Variants in TMEM229B observed in about 807,000 individuals in gnomAD.
TMEM229B encodes chromosome 14 open reading frame 83.
TMEM229B carries 6 observed loss-of-function variants against 13.7 expected under a neutral mutation model. That is an observed-to-expected ratio of 0.44 (90% CI 0.24 to 0.86). TMEM229B has a LOEUF of 0.86. Ranked by LOEUF, TMEM229B falls within the 40% of genes least tolerant of loss-of-function variation. The probability of loss-of-function intolerance (pLI) is 0.23; values close to 1 mark genes in which losing one functional copy is unlikely to be tolerated. For missense variants in TMEM229B, 170 were observed against 236.0 expected (o/e 0.72, Z 1.83); for synonymous variants, 107 against 102.1 (o/e 1.05, Z -0.29).
chr14:67,532,734 T>A (rs2033506108), intron 1 of TMEM229B, among the ~76,000 whole-genome samples: 1 of 152,208 alleles, frequency 6.6e-6, no homozygotes, highest in African/African-American at 2.4e-5. Flanking sequence ...TTTTTCTTTT[T>A]CTCCTGCAAA....
At chr14:67,522,993 TA>T (rs2033312818) in intron 1 of TMEM229B, among the ~76,000 whole-genome samples, 1 of 152,226 alleles carries the variant, frequency 6.6e-6, no homozygotes, top group Non-Finnish European at 1.5e-5. Flanking sequence ...TTCTCTTGCC[TA>T]GTACTGTGCT....
chr14:67,489,774 A>G (rs1279258568), upstream of TMEM229B, among the ~76,000 whole-genome samples: 1 of 152,176 alleles, frequency 6.6e-6, no homozygotes, highest in Admixed American at 6.5e-5. Context: ...GCGGATCACG[A>G]GGTCAGGAGA....
chr14:67,497,513 C>A (rs926745727), intron 1 of TMEM229B, among the ~76,000 whole-genome samples: 1 of 152,088 alleles, frequency 6.6e-6, no homozygotes, highest in Non-Finnish European at 1.5e-5. Flanking sequence ...GCAATTCCCA[C>A]GTGACCAACA....
intron 1 of TMEM229B, among the ~76,000 whole-genome samples, chr14:67,501,505 C>T (rs1023218753): frequency 1.3e-5 from 2 of 152,136 alleles, no homozygotes; most frequent in African/African-American, 2.4e-5. Flanking sequence ...GCTGGGATTA[C>T]AGGCATGAAC....
At chr14:67,479,474 T>G (rs895056949) in intron 2 of TMEM229B, among the ~76,000 whole-genome samples, 2 of 149,950 alleles carry the variant, frequency 1.3e-5, no homozygotes, top group Admixed American at 6.6e-5. Flanking sequence ...TCCCAGTACT[T>G]TGGGAGGCCG....
intron 2 of TMEM229B, among the ~76,000 whole-genome samples, chr14:67,482,596 C>T (rs77336346): frequency 1.3e-3 from 192 of 152,312 alleles, no homozygotes; most frequent in African/African-American, 4.3e-3. Context: ...CCTGAGGCAA[C>T]GCAGCGGGGG....
intron 1 of TMEM229B, among the ~76,000 whole-genome samples, chr14:67,499,732 C>T (rs541795296): frequency 6.6e-6 from 1 of 152,136 alleles, no homozygotes; most frequent in African/African-American, 2.4e-5. Flanking sequence ...AAAGGCAGTG[C>T]CAGAAATACT....
At chr14:67,525,064 C>T (rs968529337) in intron 1 of TMEM229B, among the ~76,000 whole-genome samples, 2 of 152,154 alleles carry the variant, frequency 1.3e-5, no homozygotes, top group African/African-American at 2.4e-5. Context: ...ACTTTTAAAA[C>T]ATTTTAATAG....
intron 1 of TMEM229B, among the ~76,000 whole-genome samples, chr14:67,526,084 G>A (rs1341633601): frequency 6.6e-6 from 1 of 152,174 alleles, no homozygotes; most frequent in Non-Finnish European, 1.5e-5. Context: ...CTTTGTGTGG[G>A]TCCACTTTAG....
chr14:67,525,654 C>G (rs1250297711), intron 1 of TMEM229B, among the ~76,000 whole-genome samples: 1 of 152,222 alleles, frequency 6.6e-6, no homozygotes. Flanking sequence ...ATTCTTCCCT[C>G]TATAAATGGC....
intron 1 of TMEM229B, among the ~76,000 whole-genome samples, chr14:67,522,254 C>T (rs974973781): frequency 2.0e-5 from 3 of 152,168 alleles, no homozygotes; most frequent in East Asian, 1.9e-4. Flanking sequence ...TCCCCGTACC[C>T]GCTCCTCTCC....
At chr14:67,502,743 C>T (rs879605562) in intron 1 of TMEM229B, among the ~76,000 whole-genome samples, 5 of 151,924 alleles carry the variant, frequency 3.3e-5, no homozygotes, top group South Asian at 2.1e-4. Flanking sequence ...TGAGCCACCG[C>T]GCCGGGCCCC....
At chr14:67,532,715 G>T (rs1247055768) in intron 1 of TMEM229B, among the ~76,000 whole-genome samples, 1 of 152,210 alleles carries the variant, frequency 6.6e-6, no homozygotes, top group Non-Finnish European at 1.5e-5. Context: ...CTGGGCTGTC[G>T]TAACTTATTT....
At chr14:67,483,137 A>G (rs1012232320) in intron 2 of TMEM229B, among the ~76,000 whole-genome samples, 1 of 152,054 alleles carries the variant, frequency 6.6e-6, no homozygotes, top group African/African-American at 2.4e-5. Context: ...CAGCCTCCCA[A>G]GAGGCTGGGA....
At chr14:67,474,501 C>T (rs1566670576) in intron 2 of TMEM229B, among the ~76,000 whole-genome samples, 1 of 152,160 alleles carries the variant, frequency 6.6e-6, no homozygotes, top group Non-Finnish European at 1.5e-5. Flanking sequence ...TCCACTTCTT[C>T]TCAAACAGTT....
rs2030887139 is a variant in TMEM229B, at chr14:67,473,229, C to T, written c.*191G>A. 1 of 720,240 alleles carries T rather than the reference C, an allele frequency of 1.4e-6. No homozygotes were observed. The highest frequency in any genetic ancestry group is 1.8e-5 in the African/African-American group (1 of 56,036). 44.6% of individuals were successfully genotyped at this position (720,240 alleles called of 1,614,324 possible). ...AATGTCCCTCTGCTGCCTCCACACC[C>T]CATCCCCCAACACCTGACCACGGCC... On this transcript the variant is annotated 3_prime_UTR_variant, in exon 3 of 3. Coordinates refer to ENST00000554480, the MANE Select transcript of TMEM229B (RefSeq NM_001348543.2). The surrounding 1 kb of genome is among the most constrained non-coding windows in gnomAD (Gnocchi z 6.5).
At chr14:67,493,437 T>C (rs570388645), upstream of TMEM229B, among the ~76,000 whole-genome samples, 1 of 152,302 alleles carries the variant, frequency 6.6e-6, no homozygotes, top group African/African-American at 2.4e-5. Context: ...ACAGGGTCTG[T>C]GTTAGGGATA....
At chr14:67,523,344 A>G (rs1356819034) in intron 1 of TMEM229B, among the ~76,000 whole-genome samples, 1 of 152,116 alleles carries the variant, frequency 6.6e-6, no homozygotes, top group African/African-American at 2.4e-5. Context: ...AAAGAAAAGA[A>G]AAAAGAGGAG....
intron 2 of TMEM229B, among the ~76,000 whole-genome samples, chr14:67,483,427 C>A (rs1251556716): frequency 6.6e-6 from 1 of 152,222 alleles, no homozygotes; most frequent in African/African-American, 2.4e-5. Flanking sequence ...TGACTGCAGG[C>A]TCCTCTGAGG....
Sources: gnomAD v4.1 joint callset for allele counts (sites outside exome capture counted in the v4.1 genomes callset) on GRCh38, gnomAD v4.1.1 for gene constraint, Gnocchi (gnomAD v3.1) non-coding constraint, MANE v1.5 for transcripts, NCBI Gene and HGNC (gene_info 2026-07-23, HGNC 2026-07-21) for gene names.